Variants in KRT79 observed in about 807,000 individuals in gnomAD.
KRT79 encodes keratin, type II cytoskeletal 79.
KRT79 carries 51 observed loss-of-function variants against 49.0 expected under a neutral mutation model. The observed-to-expected ratio is 1.04, with a 90% CI of 0.83 to 1.31. The LOEUF (loss-of-function observed/expected upper bound fraction) is 1.31. Among genes scored for constraint, KRT79 ranks in the 40% most tolerant of loss-of-function variants. KRT79 has a pLI of 0.00. For synonymous variants in KRT79, 312 were observed against 286.6 expected, an observed-to-expected ratio of 1.09 and a Z score of -0.90; for missense variants, 728 against 688.0, an observed-to-expected ratio of 1.06 and a Z score of -0.65.
rs1940125043 is a variant in KRT79, at chr12:52,823,238, T to C, written c.1147-2A>G. 6 of 1,613,614 alleles carry C rather than the reference T, an allele frequency of 3.7e-6. No individual in the cohort carries two copies. Among genetic ancestry groups the C allele is most frequent in the Non-Finnish European group, 4.2e-6 (5 of 1,179,702 alleles). ...AATGGCCGTCTGCAGCTGCTGACAC[T>C]GCCCAGGGGAGAAAGGTGTTGGAAG... On this transcript the variant is annotated splice_acceptor_variant, in intron 6 of 8. Coordinates refer to ENST00000330553, the MANE Select transcript of KRT79 (RefSeq NM_175834.3). LOFTEE classifies it high-confidence loss of function.
At chr12:52,833,575 A>G (rs557289079) in intron 1 of KRT79, among the ~76,000 whole-genome samples, 88 of 151,516 alleles carry the variant, frequency 5.8e-4, no homozygotes, top group African/African-American at 1.8e-3. Context: ...TAGACTGGAG[A>G]CTCCCCCCGC....
chr12:52,824,047 T>A (rs1465991119), intron 5 of KRT79, 35 bp from the exon 6 acceptor site: 1 of 1,613,938 alleles, frequency 6.2e-7, no homozygotes, highest in South Asian at 1.1e-5. Context: ...CGCTTTCAAA[T>A]GGCCCCAGCC....
Position 52,821,810 on chromosome 12 carries a change from C to A in KRT79, c.*62G>T, listed in dbSNP as rs529928750. On this transcript the variant is annotated 3_prime_UTR_variant, in exon 9 of 9. Coordinates refer to ENST00000330553, the MANE Select transcript of KRT79 (RefSeq NM_175834.3). ...GCTCCTGAGAAGTGACTGGAAAGGA[C>A]AGCAGAGGTGGGGTGAGGAGGGCAG... The A allele has an allele frequency of 3.4e-6, 5 of 1,464,892 alleles. No homozygotes were observed. In the East Asian group the frequency reaches 1.2e-4, roughly 34 times the overall value. The allele number at this position is 1,464,892 out of a possible 1,614,324, so 90.7% of individuals were successfully genotyped here.
Position 52,833,952 on chromosome 12 carries a change from C to A in KRT79, c.309G>T (p.Gln103His). Residue 103 changes from glutamine to histidine, a missense_variant, in exon 1 of 9, where the codon CAG becomes CAT. Physicochemically the swap from Gln to His is conservative, Grantham distance 24. Transcript: ENST00000330553. Reference protein sequence around the residue: ...RAFMGQGAGRQTFGPACPPGG... With the variant: ...RAFMGQGAGRHTFGPACPPGG... ...CAGGAGGACAAGCAGGCCCAAACGT[C>A]TGCCTGCCAGCCCCCTGTCCCATAA... is the stretch of plus-strand genomic sequence containing the variant. The A allele has an allele frequency of 6.2e-7, 1 of 1,613,390 alleles. No homozygotes were observed. The highest frequency in any genetic ancestry group is 8.5e-7 in the Non-Finnish European group (1 of 1,179,534).
intron 4 of KRT79, 22 bp from the exon 5 acceptor site, chr12:52,824,384 C>T (rs1020192562): frequency 6.8e-6 from 11 of 1,609,688 alleles, no homozygotes; most frequent in Admixed American, 1.7e-5. Context: ...GAGACAGCTG[C>T]CACCAGCACC....
chr12:52,821,885 C>T lies in KRT79; in HGVS notation c.1595G>A (p.Ser532Asn), dbSNP rs997412477. Residue 532 changes from serine (S) to asparagine (N), a missense_variant, in exon 9 of 9, where the codon AGC becomes AAC. Physicochemically the swap from Ser to Asn is conservative, Grantham distance 46. Transcript: ENST00000330553. The stretch of plus-strand genomic sequence containing the variant: ...AGGGCTCAGCAGCTAATACCTCTGG[C>T]TGGACGTCTTGACCGTAGTGGTCTT... Reference protein sequence around the residue: ...LRKTTTVKTSSQRY With the variant: ...LRKTTTVKTSNQRY 2.5e-6 allele frequency: 4 copies of T among 1,614,038 alleles called. No homozygotes were observed. Among genetic ancestry groups the T allele is most frequent in the Non-Finnish European group, 2.5e-6 (3 of 1,180,000 alleles).
chr12:52,822,373 AGACATCCTAGGG>A lies in KRT79; in HGVS notation c.1368-6_1373del. The A allele has an allele frequency of 6.3e-7, 1 of 1,598,754 alleles. No individual in the cohort carries two copies. The highest frequency in any genetic ancestry group is 1.7e-4 in the Middle Eastern group (1 of 5,860). ...TGCTGACTGCACTGGGACATTCTCC[AGACATCCTAGGG>A]GACACAGAAAGGCCAGGAGAGCAGT... On this transcript the variant is annotated splice_acceptor_variant and splice_polypyrimidine_tract_variant and coding_sequence_variant and intron_variant, in exon 8 of 9. Transcript: ENST00000330553. LOFTEE classifies it high-confidence loss of function.
chr12:52,833,194 C>T (rs1940280657), intron 1 of KRT79, among the ~76,000 whole-genome samples: 1 of 152,144 alleles, frequency 6.6e-6, no homozygotes, highest in South Asian at 2.1e-4. Context: ...CCTCATTGTC[C>T]ACCCCAAATT....
chr12:52,832,779 G>T (rs1017745413), intron 1 of KRT79, among the ~76,000 whole-genome samples: 2 of 152,120 alleles, frequency 1.3e-5, no homozygotes, highest in Non-Finnish European at 2.9e-5. Context: ...GAGTCCAGGG[G>T]CCTGGGTCCC....
chr12:52,821,513 G>T lies in KRT79; in HGVS notation c.*359C>A. The stretch of plus-strand genomic sequence containing the variant: ...ATGTGGGTAGATTCAGGGAGAGGGT[G>T]GGTCTGGTGGGGGACTGGGGAGGTT... On this transcript the variant is annotated 3_prime_UTR_variant, in exon 9 of 9. Coordinates refer to ENST00000330553, the MANE Select transcript of KRT79 (RefSeq NM_175834.3). The T allele has an allele frequency of 3.7e-6, 1 of 269,200 alleles. No individual in the cohort carries two copies. Among genetic ancestry groups the T allele is most frequent in the Non-Finnish European group, 7.1e-6 (1 of 140,518 alleles). 16.7% of individuals were successfully genotyped at this position (269,200 alleles called of 1,614,324 possible).
chr12:52,830,181 C>T, intron 3 of KRT79, 51 bp downstream of exon 3: 1 of 1,612,652 alleles, frequency 6.2e-7, no homozygotes, highest in Non-Finnish European at 8.5e-7. Context: ...CCCGAATCAG[C>T]CCAGTACCCT....
chr12:52,828,409 CAT>C (rs1269472365), intron 4 of KRT79, among the ~76,000 whole-genome samples: 5 of 152,188 alleles, frequency 3.3e-5, no homozygotes, highest in African/African-American at 1.2e-4. Context: ...ATTGCCTTAA[CAT>C]GTGTATCAAT....
intron 1 of KRT79, among the ~76,000 whole-genome samples, chr12:52,832,714 A>C (rs1052844824): frequency 2.6e-5 from 4 of 152,122 alleles, no homozygotes; most frequent in African/African-American, 9.7e-5. Flanking sequence ...TGGGAGCATC[A>C]TGCAGCAGGT....
At position 52,831,437 on chromosome 12, in the gene KRT79, C is replaced by T. The variant is rs201940037; in HGVS notation, c.667G>A (p.Val223Met). The stretch of plus-strand genomic sequence containing the variant: ...TTGAAGTCCTCCACAAGGTCCTGCA[C>T]GTTCCTGAGCTCTGAGTCCAGCCTC... ...RGRLDSELRN[V>M]QDLVEDFKNK... is the part of the protein sequence containing the mutation. The change falls in exon 2 of 9, where the codon GTG becomes ATG. Residue 223 changes from valine to methionine, a missense_variant. By Grantham distance (21) the Val-to-Met change is conservative. Coordinates refer to ENST00000330553, the MANE Select transcript of KRT79 (RefSeq NM_175834.3). 2.1e-5 allele frequency: 34 copies of T among 1,614,230 alleles called. No homozygotes were observed. Among genetic ancestry groups the T allele is most frequent in the African/African-American group, 1.2e-4 (9 of 75,064 alleles).
rs1417922724 is a variant in KRT79, at chr12:52,821,858, G to A, written c.*14C>T. The A allele has an allele frequency of 1.9e-6, 3 of 1,611,398 alleles. No individual in the cohort carries two copies. Among genetic ancestry groups the A allele is most frequent in the Non-Finnish European group, 1.7e-6 (2 of 1,178,522 alleles). On this transcript the variant is annotated 3_prime_UTR_variant, in exon 9 of 9. Coordinates refer to ENST00000330553, the MANE Select transcript of KRT79 (RefSeq NM_175834.3). ...CAGGGACAGGATTGCAGGGGCCCTT[G>A]CAGGGCTCAGCAGCTAATACCTCTG... is the stretch of plus-strand genomic sequence containing the variant.
Position 52,823,044 on chromosome 12 carries a change from G to A in KRT79, c.1339C>T (p.Arg447Cys), listed in dbSNP as rs761526471. ...LALDVEIATY[R>C]KLLESEESRM... ...CTCTCCTCGCTCTCCAGAAGCTTGC[G>A]GTAGGTGGCAATCTCCACGTCCAGG... Residue 447 changes from arginine (R) to cysteine (C), a missense_variant, in exon 7 of 9, where the codon CGC becomes TGC. Transcript: ENST00000330553. The A allele has an allele frequency of 5.3e-5, 86 of 1,614,114 alleles. 2 individuals carry two copies. In the South Asian group the frequency reaches 6.0e-4, roughly 11 times the overall value.
chr12:52,829,053 A>G (rs778755595), intron 4 of KRT79, among the ~76,000 whole-genome samples: 1 of 152,248 alleles, frequency 6.6e-6, no homozygotes, highest in Non-Finnish European at 1.5e-5. Context: ...GCTCACTGCC[A>G]CAGGAAGTAT....
intron 4 of KRT79, among the ~76,000 whole-genome samples, chr12:52,826,147 A>G (rs909164203): frequency 1.3e-5 from 2 of 152,016 alleles, no homozygotes; most frequent in Admixed American, 1.3e-4. Flanking sequence ...AGTCCTCAGG[A>G]AAATCAACCC....
intron 1 of KRT79, among the ~76,000 whole-genome samples, chr12:52,832,384 C>CT (rs1306202787): frequency 6.6e-6 from 1 of 151,994 alleles, no homozygotes; most frequent in Admixed American, 6.6e-5. Context: ...CCAAAAAAAA[C>CT]TTTTTTTAAA....
Sources: allele counts gnomAD v4.1 joint callset (sites outside exome capture counted in the v4.1 genomes callset), GRCh38; gene constraint gnomAD v4.1.1; transcripts MANE v1.5; gene names NCBI Gene and HGNC (gene_info 2026-07-23, HGNC 2026-07-21).